The following DPP6 variants were observed in gnomAD, a reference collection of about 807,000 sequenced individuals.
DPP6 encodes the protein dipeptidyl peptidase like 6.
A neutral mutation model predicts 122.6 loss-of-function variants in DPP6; 69 were observed. The observed-to-expected ratio is 0.56, with a 90% CI of 0.46 to 0.69. The LOEUF (loss-of-function observed/expected upper bound fraction) is 0.69. DPP6 is among the 30% of genes least tolerant of loss of function. The pLI, the probability that DPP6 is intolerant of heterozygous loss-of-function variation, is 0.00. For missense variants in DPP6, 928 were observed against 1,116.9 expected, an observed-to-expected ratio of 0.83 and a Z score of 2.41; for synonymous variants, 418 against 433.1, an observed-to-expected ratio of 0.97 and a Z score of 0.43.
At chr7:154,475,257 A>G in intron 3 of DPP6, 1 of 511,356 alleles carries the variant, frequency 2.0e-6, no homozygotes, top group East Asian at 3.9e-5. Flanking sequence ...GAGCATCCAC[A>G]CAGCCTTCAC....
chr7:154,407,261 C>T (rs1270235999), intron 1 of DPP6, among the ~76,000 whole-genome samples: 3 of 152,184 alleles, frequency 2.0e-5, no homozygotes, highest in Non-Finnish European at 4.4e-5. Context: ...CCAAGTCTTC[C>T]CTGTTCTGAA....
At chr7:154,441,900 T>A (rs78134994) in intron 1 of DPP6, among the ~76,000 whole-genome samples, 2,699 of 152,298 alleles carry the variant, frequency 0.018, 32 homozygotes, top group Non-Finnish European at 0.022. Flanking sequence ...ACCAAACGAC[T>A]CAGAAAAGGT....
the DPP6 span, among the ~76,000 whole-genome samples, chr7:153,877,970 G>A: frequency 4.6e-5 from 7 of 152,230 alleles, no homozygotes; most frequent in South Asian, 1.0e-3. Flanking sequence ...TAACACGCAC[G>A]TCACAAAAGA....
intron 1 of DPP6, among the ~76,000 whole-genome samples, chr7:154,130,366 T>C (rs897672566): frequency 2.6e-5 from 4 of 152,106 alleles, no homozygotes; most frequent in African/African-American, 9.7e-5. Flanking sequence ...AGCTGTAAGA[T>C]CTGGAGTGTT....
At chr7:153,767,436 C>T in the DPP6 span, among the ~76,000 whole-genome samples, 10 of 152,156 alleles carry the variant, frequency 6.6e-5, no homozygotes, top group South Asian at 2.1e-4. Context: ...GGTACAATCT[C>T]GGCTCACTGC....
At position 154,515,285 on chromosome 7, in the gene DPP6, T is replaced by A. The variant is rs80330805; in HGVS notation, c.458-25247T>A. On this transcript the variant is annotated intron_variant, in intron 3 of 25. Transcript: ENST00000377770. ...AAAGGTCAGCCACCATTCTCTGGAA[T>A]ACCATGTGATTGGAGAAGCAGATTG... Among the ~76,000 whole-genome samples, 921 of 152,274 alleles carry A rather than the reference T, an allele frequency of 6.0e-3. 10 individuals carry two copies. The highest frequency in any genetic ancestry group is 0.021 in the African/African-American group (858 of 41,542).
intron 1 of DPP6, among the ~76,000 whole-genome samples, chr7:154,220,393 T>C (rs1363001545): frequency 1.3e-5 from 2 of 152,034 alleles, no homozygotes; most frequent in Admixed American, 6.6e-5. Flanking sequence ...CAAAAAAAGA[T>C]ACAATAGACC....
intron 10 of DPP6, among the ~76,000 whole-genome samples, chr7:154,778,142 G>C (rs1045708069): frequency 6.6e-6 from 1 of 152,098 alleles, no homozygotes; most frequent in East Asian, 1.9e-4. Flanking sequence ...GTATGTGCGC[G>C]CTTACTTTAC....
At chr7:153,799,376 A>G in the DPP6 span, among the ~76,000 whole-genome samples, 424 of 152,316 alleles carry the variant, frequency 2.8e-3, 1 homozygote, top group Admixed American at 5.2e-3. Context: ...CGATGAAGAC[A>G]TATTTTTGAG....
intron 1 of DPP6, among the ~76,000 whole-genome samples, chr7:154,098,679 A>G (rs905680104): frequency 6.6e-6 from 1 of 151,718 alleles, no homozygotes; most frequent in Non-Finnish European, 1.5e-5. Flanking sequence ...TGAGGGCAGA[A>G]GAAGGGTGGA....
chr7:154,141,589 G>T (rs71534107), intron 1 of DPP6, among the ~76,000 whole-genome samples: 3 of 152,178 alleles, frequency 2.0e-5, no homozygotes, highest in South Asian at 2.1e-4. Context: ...TTTGGTCCCA[G>T]TAGGTACTTT....
At position 153,935,735 on chromosome 7, in the gene DPP6, A is replaced by G. The variant is rs992074588; in HGVS notation, c.51+48001A>G. ...GGCTCACAGCCTGGCTCAGACCCCAATCTGCAGACTTCCCCACCACCACGC... is the reference window on the plus strand; with the variant it reads ...GGCTCACAGCCTGGCTCAGACCCCAGTCTGCAGACTTCCCCACCACCACGC... On this transcript the variant is annotated intron_variant, in intron 1 of 25. Coordinates refer to the DPP6 transcript ENST00000404039. 3.3e-5 allele frequency among the ~76,000 whole-genome samples: 5 copies of G among 152,168 alleles called. No individual in the cohort carries two copies. In the East Asian group the frequency reaches 5.8e-4, roughly 18 times the overall value.
intron 1 of DPP6, among the ~76,000 whole-genome samples, chr7:154,163,245 T>C (rs949104617): frequency 6.6e-6 from 1 of 152,122 alleles, no homozygotes; most frequent in Non-Finnish European, 1.5e-5. Flanking sequence ...ATCCAGAATT[T>C]ATGCGTTGCT....
intron 1 of DPP6, among the ~76,000 whole-genome samples, chr7:154,182,895 C>T (rs1377192081): frequency 6.6e-6 from 1 of 152,140 alleles, no homozygotes; most frequent in African/African-American, 2.4e-5. Flanking sequence ...GAAATAGGTT[C>T]TTGGTTCTCA....
At chr7:154,803,672 T>C (rs2150455419) in intron 13 of DPP6, among the ~76,000 whole-genome samples, 192 bp from the exon 14 acceptor site, 1 of 152,094 alleles carries the variant, frequency 6.6e-6, no homozygotes. Flanking sequence ...GCTGCGGGCC[T>C]GGGGTTGGTT....
the DPP6 span, among the ~76,000 whole-genome samples, chr7:153,762,659 A>C: frequency 6.6e-6 from 1 of 152,092 alleles, no homozygotes; most frequent in African/African-American, 2.4e-5. Flanking sequence ...GCATGCCTGT[A>C]ATCCTAGCTA....
chr7:154,596,435 T>C (rs977204037), intron 5 of DPP6, among the ~76,000 whole-genome samples: 2 of 152,354 alleles, frequency 1.3e-5, no homozygotes. Context: ...GTACAGACAT[T>C]GTAAAGACAT....
the DPP6 span, among the ~76,000 whole-genome samples, chr7:153,822,181 C>CTTTTTT: frequency 3.2e-5 from 2 of 61,880 alleles, no homozygotes; most frequent in Non-Finnish European, 5.9e-5. Context: ...GGGGGGGAAT[C>CTTTTTT]TTTTTTTTTT....
intron 16 of DPP6, among the ~76,000 whole-genome samples, chr7:154,852,488 C>T (rs935724252): frequency 2.0e-5 from 3 of 148,458 alleles, no homozygotes; most frequent in African/African-American, 7.4e-5. Context: ...TCCTGCCTCT[C>T]CTGCCTCTCC....
Sources: gnomAD v4.1 joint callset for allele counts (sites outside exome capture counted in the v4.1 genomes callset) on GRCh38, gnomAD v4.1.1 for gene constraint, MANE v1.5 for transcripts, NCBI Gene and HGNC (gene_info 2026-07-23, HGNC 2026-07-21) for gene names.